The following SEMA3C variants were observed in gnomAD, a reference collection of about 807,000 sequenced individuals.
The protein encoded by SEMA3C is semaphorin 3C.
In SEMA3C, 47 loss-of-function variants were observed where a neutral mutation model predicts 89.4. That is an observed-to-expected ratio of 0.53 (90% CI 0.42 to 0.67). The LOEUF is 0.67. SEMA3C is among the 30% of genes least tolerant of loss of function. The pLI, the probability that SEMA3C is intolerant of heterozygous loss-of-function variation, is 0.00. For synonymous variants in SEMA3C, 310 were observed against 320.2 expected (o/e 0.97, Z 0.34); for missense variants, 839 against 929.1 (o/e 0.90, Z 1.26).
intron 7 of SEMA3C, among the ~76,000 whole-genome samples, chr7:80,805,414 T>A (rs1485086775): frequency 6.6e-6 from 1 of 152,094 alleles, no homozygotes; most frequent in Non-Finnish European, 1.5e-5. Flanking sequence ...ATTCATATGA[T>A]AACTGTAGGA....
intron 5 of SEMA3C, among the ~76,000 whole-genome samples, chr7:80,817,995 TAG>T (rs1491566546): frequency 6.6e-6 from 1 of 151,702 alleles, no homozygotes; most frequent in Admixed American, 6.6e-5. Flanking sequence ...ACAAATAAAA[TAG>T]ATATACTAAA....
At position 80,885,064 on chromosome 7, in the gene SEMA3C, G is replaced by A. The variant is rs566560224; in HGVS notation, c.103+31615C>T. On this transcript the variant is annotated intron_variant, in intron 2 of 17. Coordinates refer to ENST00000265361, the MANE Select transcript of SEMA3C (RefSeq NM_006379.5). ...ACTTGAAAGCTTTCATAAGATTATC[G>A]TTTTGTGATGACATTTCTCTTTAGA... is the stretch of plus-strand genomic sequence containing the variant. Among the ~76,000 whole-genome samples, 5 of 152,112 alleles carry A rather than the reference G, an allele frequency of 3.3e-5. No individual in the cohort carries two copies. The South Asian group carries it at 6.2e-4, about 19-fold the overall frequency.
At chr7:80,865,642 A>G (rs1790908275) in intron 2 of SEMA3C, among the ~76,000 whole-genome samples, 1 of 152,094 alleles carries the variant, frequency 6.6e-6, no homozygotes, top group Admixed American at 6.5e-5. Flanking sequence ...GCAAGAAAAA[A>G]AAATTAGCCG....
intron 4 of SEMA3C, among the ~76,000 whole-genome samples, chr7:80,820,823 C>T (rs1378090467): frequency 6.6e-6 from 1 of 152,112 alleles, no homozygotes; most frequent in African/African-American, 2.4e-5. Flanking sequence ...GAATGAGACA[C>T]ATGCATATTT....
At chr7:80,814,741 A>G (rs1789558431) in intron 5 of SEMA3C, among the ~76,000 whole-genome samples, 1 of 152,192 alleles carries the variant, frequency 6.6e-6, no homozygotes, top group South Asian at 2.1e-4. Flanking sequence ...GCTGAAAATA[A>G]CAAACAAGAA....
chr7:80,845,595 T>A (rs904786712), intron 2 of SEMA3C, among the ~76,000 whole-genome samples: 2 of 152,184 alleles, frequency 1.3e-5, no homozygotes, highest in Admixed American at 6.5e-5. Flanking sequence ...ATGTCTCTCA[T>A]ATCTGTCATT....
At chr7:80,846,025 G>A (rs2115905108) in intron 2 of SEMA3C, among the ~76,000 whole-genome samples, 1 of 152,194 alleles carries the variant, frequency 6.6e-6, no homozygotes, top group Middle Eastern at 3.4e-3. Context: ...TTTCATATAG[G>A]TCATAGTCAT....
At chr7:80,845,216 C>T (rs1790361685) in intron 2 of SEMA3C, among the ~76,000 whole-genome samples, 1 of 152,054 alleles carries the variant, frequency 6.6e-6, no homozygotes, top group South Asian at 2.1e-4. Context: ...GAGGCTAAAA[C>T]TGACAGGAAA....
At chr7:80,863,974 TCACATATATCA>T in intron 2 of SEMA3C, among the ~76,000 whole-genome samples, 1 of 144,902 alleles carries the variant, frequency 6.9e-6, no homozygotes, top group South Asian at 2.2e-4. Context: ...CACATATATA[TCACATATATCA>T]CATGTATATC....
At chr7:80,879,647 TCTTATA>T (rs1240272071) in intron 2 of SEMA3C, among the ~76,000 whole-genome samples, 1 of 152,226 alleles carries the variant, frequency 6.6e-6, no homozygotes, top group Non-Finnish European at 1.5e-5. Flanking sequence ...ATATTTAGTA[TCTTATA>T]CTTAGCTTAT....
chr7:80,742,871 G>A lies in SEMA3C; in HGVS notation c.*2023C>T, dbSNP rs993867562. ...CATTCAGCAGAGTTATGTTCATGAA[G>A]AATTTCTACATTTTTAAAAGTAATG... On this transcript the variant is annotated 3_prime_UTR_variant, in exon 18 of 18. Transcript: ENST00000265361. 6.6e-6 allele frequency: 1 copy of A among 151,806 alleles called. No individual in the cohort carries two copies. The highest frequency in any genetic ancestry group is 2.4e-5 in the African/African-American group (1 of 41,380). 9.4% of individuals were successfully genotyped at this position (151,806 alleles called of 1,614,324 possible). A position where few individuals can be genotyped will look rare whatever the true frequency, so the allele number is the denominator to read the frequency against.
At chr7:80,804,328 T>C (rs181225525) in intron 7 of SEMA3C, 80 bp from the exon 8 acceptor site, 1 of 963,080 alleles carries the variant, frequency 1.0e-6, no homozygotes, top group East Asian at 2.9e-5. Flanking sequence ...CACAGGCAGA[T>C]GCCTTCCCCA....
intron 2 of SEMA3C, among the ~76,000 whole-genome samples, chr7:80,905,533 A>G (rs533219720): frequency 6.6e-6 from 1 of 152,232 alleles, no homozygotes; most frequent in Admixed American, 6.5e-5. Context: ...CAAAATCAGC[A>G]AAAGCATTTT....
intron 12 of SEMA3C, among the ~76,000 whole-genome samples, chr7:80,788,440 G>A (rs1199972375): frequency 6.6e-6 from 1 of 152,128 alleles, no homozygotes; most frequent in Non-Finnish European, 1.5e-5. Context: ...ATTACTTAGA[G>A]GGCTTGCGAA....
chr7:80,747,602 A>G (rs1175490061), intron 17 of SEMA3C, among the ~76,000 whole-genome samples: 1 of 152,210 alleles, frequency 6.6e-6, no homozygotes, highest in East Asian at 1.9e-4. Context: ...GGTAATTATT[A>G]TAATCCATAT....
intron 2 of SEMA3C, among the ~76,000 whole-genome samples, chr7:80,833,689 C>G (rs1229494407): frequency 6.6e-6 from 1 of 151,926 alleles, no homozygotes; most frequent in South Asian, 2.1e-4. Flanking sequence ...TTGTAAAAAG[C>G]CTAGGCTATT....
intron 2 of SEMA3C, among the ~76,000 whole-genome samples, chr7:80,833,091 A>T (rs1790044576): frequency 6.6e-6 from 1 of 152,176 alleles, no homozygotes; most frequent in Non-Finnish European, 1.5e-5. Flanking sequence ...TTTATGTGCA[A>T]GTAACAAGCA....
intron 2 of SEMA3C, among the ~76,000 whole-genome samples, chr7:80,840,274 T>C (rs926028072): frequency 1.1e-4 from 17 of 151,876 alleles, no homozygotes; most frequent in African/African-American, 4.1e-4. Flanking sequence ...AATCCGAACA[T>C]TATGGGAGGC....
At position 80,822,049 on chromosome 7, in the gene SEMA3C, T is replaced by C. The variant is rs1562891133; in HGVS notation, c.328-3631A>G. Among the ~76,000 whole-genome samples the C allele has an allele frequency of 2.6e-5, 4 of 152,220 alleles. No homozygotes were observed. The South Asian group carries it at 8.3e-4, about 31-fold the overall frequency. On this transcript the variant is annotated intron_variant, in intron 4 of 17. Coordinates refer to ENST00000265361, the MANE Select transcript of SEMA3C (RefSeq NM_006379.5). ...CCATTTCCATTGTGCTGCCTTCGTTTCTGACCTAGACTACTGCAATAGTGT... is the reference window on the plus strand; with the variant it reads ...CCATTTCCATTGTGCTGCCTTCGTTCCTGACCTAGACTACTGCAATAGTGT...
Sources: allele counts gnomAD v4.1 joint callset (sites outside exome capture counted in the v4.1 genomes callset), GRCh38; gene constraint gnomAD v4.1.1; transcripts MANE v1.5; gene names NCBI Gene and HGNC (gene_info 2026-07-23, HGNC 2026-07-21).